Variants in GNG5 observed in about 807,000 individuals in gnomAD.
The protein encoded by GNG5 is G protein subunit gamma 5.
Under a neutral mutation model 6.2 loss-of-function variants are expected in GNG5, and 2 were observed. That is an observed-to-expected ratio of 0.32 (90% CI 0.13 to 1.01). GNG5 has a LOEUF of 1.01. Ranked by LOEUF, GNG5 falls within the 50% of genes least tolerant of loss-of-function variation. GNG5 has a pLI of 0.48. For missense variants in GNG5, 57 were observed against 80.2 expected, an observed-to-expected ratio of 0.71 and a Z score of 1.10; for synonymous variants, 24 against 33.0, an observed-to-expected ratio of 0.73 and a Z score of 0.93.
chr1:84,506,113 G>A lies in GNG5; in HGVS notation c.-22C>T. ...ACATGGTGCACGCGACGGCCGGGCC[G>A]ATTCGTGGGTCGGTGGGTCGTGGGC... On this transcript the variant is annotated 5_prime_UTR_variant, in exon 2 of 4. Transcript: ENST00000370645. 6.4e-6 allele frequency: 10 copies of A among 1,567,674 alleles called. No homozygotes were observed. Among genetic ancestry groups the A allele is most frequent in the Non-Finnish European group, 7.8e-6 (9 of 1,157,814 alleles).
chr1:84,502,132 CTTTTTTTT>C (rs140132840), intron 2 of GNG5, among the ~76,000 whole-genome samples, 162 bp from the exon 3 acceptor site: 2 of 102,080 alleles, frequency 2.0e-5, no homozygotes, highest in African/African-American at 4.2e-5. Context: ...ATAGTGAGCT[CTTTTTTTT>C]TTTTTTTTTT....
At chr1:84,504,568 T>A (rs1682123480) in intron 2 of GNG5, among the ~76,000 whole-genome samples, 1 of 152,136 alleles carries the variant, frequency 6.6e-6, no homozygotes. Context: ...TCTTGGTCCA[T>A]CCTATCTATG....
At chr1:84,500,774 TCCTGGACACTC>T (rs1407955340) in intron 3 of GNG5, among the ~76,000 whole-genome samples, 1 of 152,160 alleles carries the variant, frequency 6.6e-6, no homozygotes, top group Non-Finnish European at 1.5e-5. Context: ...TATACAGACT[TCCTGGACACTC>T]CCAGGTCTAG....
chr1:84,499,937 A>G (rs1259557972), intron 3 of GNG5, among the ~76,000 whole-genome samples: 5 of 152,216 alleles, frequency 3.3e-5, no homozygotes, highest in African/African-American at 1.2e-4. Flanking sequence ...TCTACCAAAA[A>G]TACAAAAAGT....
intron 2 of GNG5, 71 bp downstream of exon 2, chr1:84,505,940 G>A (rs909518937): frequency 6.9e-6 from 6 of 868,684 alleles, no homozygotes; most frequent in South Asian, 2.5e-5. Context: ...GCCCGCCCCC[G>A]CCAGCTGGGC....
At chr1:84,502,880 TCTA>T (rs1447508403) in intron 2 of GNG5, among the ~76,000 whole-genome samples, 1 of 152,256 alleles carries the variant, frequency 6.6e-6, no homozygotes, top group Non-Finnish European at 1.5e-5. Flanking sequence ...CACTTAGACA[TCTA>T]CTATTTCTAT....
rs1263773405 is a variant in GNG5, at chr1:84,498,517, T to G, written c.*51A>C. On this transcript the variant is annotated 3_prime_UTR_variant, in exon 4 of 4. Transcript: ENST00000370645. The stretch of plus-strand genomic sequence containing the variant: ...GCTTCAAATGTAGCTCTCTTGAATA[T>G]TCACTGGATCATAAGGAGTGGTTTG... 6.6e-6 allele frequency: 1 copy of G among 151,138 alleles called. No homozygotes were observed. Among genetic ancestry groups the G allele is most frequent in the Non-Finnish European group, 1.5e-5 (1 of 67,864 alleles). The allele number at this position is 151,138 out of a possible 1,614,324, so 9.4% of individuals were successfully genotyped here.
At chr1:84,506,406 C>G (rs12092954) in intron 1 of GNG5, 30 bp downstream of exon 1, 5,520 of 228,978 alleles carry the variant, frequency 0.024, 98 homozygotes, top group South Asian at 0.042. Flanking sequence ...CCAGAGGGGC[C>G]GATTAGGGAG....
At position 84,502,274 on chromosome 1, in the gene GNG5, C is replaced by CA. The variant is rs564485446; in HGVS notation, c.82-305dup. ...TCAGCCTCCTGAGTAGCTGGGACTA[C>CA]AGGCGCACGTCACCACGCCCAGCTA... is the stretch of plus-strand genomic sequence containing the variant. On this transcript the variant is annotated intron_variant, in intron 2 of 3. Transcript: ENST00000370645. 3.0e-3 allele frequency among the ~76,000 whole-genome samples: 462 copies of CA among 151,678 alleles called. 4 individuals carry two copies. Among genetic ancestry groups the CA allele is most frequent in the Non-Finnish European group, 4.0e-3 (269 of 67,962 alleles).
chr1:84,499,427 G>A (rs917677704), intron 3 of GNG5, among the ~76,000 whole-genome samples: 6 of 152,152 alleles, frequency 3.9e-5, no homozygotes, highest in African/African-American at 1.2e-4. Context: ...CAAGTACAAC[G>A]TTGTAAAAAT....
chr1:84,503,449 C>T (rs2101892110), intron 2 of GNG5, among the ~76,000 whole-genome samples: 1 of 152,234 alleles, frequency 6.6e-6, no homozygotes, highest in South Asian at 2.1e-4. Flanking sequence ...ATACAGCAGT[C>T]CAGAGTAATG....
At chr1:84,501,431 C>G (rs1682054777) in intron 3 of GNG5, among the ~76,000 whole-genome samples, 1 of 152,144 alleles carries the variant, frequency 6.6e-6, no homozygotes, top group South Asian at 2.1e-4. Context: ...TTTAAGTTAT[C>G]CCCATAAACA....
intron 3 of GNG5, among the ~76,000 whole-genome samples, chr1:84,500,421 A>T (rs1342759538): frequency 6.6e-6 from 1 of 152,220 alleles, no homozygotes; most frequent in Non-Finnish European, 1.5e-5. Flanking sequence ...TCATTTAAAC[A>T]CTTATCTGTA....
intron 2 of GNG5, among the ~76,000 whole-genome samples, chr1:84,504,717 C>T (rs1682129696): frequency 6.6e-6 from 1 of 151,538 alleles, no homozygotes; most frequent in Non-Finnish European, 1.5e-5. Context: ...TTCCAAACTG[C>T]AGTGAGGTCT....
At chr1:84,502,839 T>G (rs751852826) in intron 2 of GNG5, among the ~76,000 whole-genome samples, 7 of 152,318 alleles carry the variant, frequency 4.6e-5, no homozygotes, top group Non-Finnish European at 7.4e-5. Context: ...GCATTTAAAC[T>G]AAAACAAATT....
rs1247945224 is a variant in GNG5 at position 84,498,409 on chromosome 1, CAG to C, written c.*157_*158del. The stretch of plus-strand genomic sequence containing the variant: ...TGTGAAATAGAAATTCATGAAAATT[CAG>C]AGAGGTAGATGTTAAGGACTGACGA... On this transcript the variant is annotated 3_prime_UTR_variant, in exon 4 of 4. Coordinates refer to ENST00000370645, the MANE Select transcript of GNG5 (RefSeq NM_005274.3). The C allele has an allele frequency of 6.6e-6, 1 of 152,580 alleles. No individual in the cohort carries two copies. The highest frequency in any genetic ancestry group is 6.5e-5 in the Admixed American group (1 of 15,270). 9.5% of individuals were successfully genotyped at this position (152,580 alleles called of 1,614,324 possible).
At chr1:84,500,766 T>C (rs542634251) in intron 3 of GNG5, among the ~76,000 whole-genome samples, 3 of 152,248 alleles carry the variant, frequency 2.0e-5, no homozygotes, top group South Asian at 4.1e-4. Context: ...CATGTACTTA[T>C]ACAGACTTCC....
At chr1:84,500,380 AC>A (rs1180162046) in intron 3 of GNG5, among the ~76,000 whole-genome samples, 7 of 152,028 alleles carry the variant, frequency 4.6e-5, no homozygotes, top group Admixed American at 2.6e-4. Flanking sequence ...CTGGGTTCTT[AC>A]CCCCAGCCAT....
intron 3 of GNG5, among the ~76,000 whole-genome samples, chr1:84,501,271 C>T (rs1047152939): frequency 2.0e-5 from 3 of 152,004 alleles, no homozygotes; most frequent in Non-Finnish European, 4.4e-5. Context: ...TCTGTTCTAC[C>T]TCAGTCCAAA....
Sources: gnomAD v4.1 joint callset for allele counts (sites outside exome capture counted in the v4.1 genomes callset) on GRCh38, gnomAD v4.1.1 for gene constraint, MANE v1.5 for transcripts, NCBI Gene and HGNC (gene_info 2026-07-23, HGNC 2026-07-21) for gene names.